Variants in CNTNAP2 observed in about 807,000 individuals in gnomAD.
The protein encoded by CNTNAP2 is contactin-associated protein-like 2.
CNTNAP2 carries 98 observed loss-of-function variants against 155.2 expected under a neutral mutation model. The ratio of observed to expected loss-of-function variants is 0.63; its 90% CI spans 0.54 to 0.75. The LOEUF (loss-of-function observed/expected upper bound fraction) is 0.75, where lower values mean the gene tolerates loss of function less well. CNTNAP2 is among the 30% of genes least tolerant of loss of function. The probability of loss-of-function intolerance (pLI) is 0.00; values close to 1 mark genes in which losing one functional copy is unlikely to be tolerated. For synonymous variants in CNTNAP2, 651 were observed against 631.2 expected, an observed-to-expected ratio of 1.03 and a Z score of -0.47; for missense variants, 1,727 against 1,688.1, an observed-to-expected ratio of 1.02 and a Z score of -0.40.
At chr7:146,983,095 A>G (rs1486614527) in intron 3 of CNTNAP2, among the ~76,000 whole-genome samples, 1 of 152,176 alleles carries the variant, frequency 6.6e-6, no homozygotes, top group Non-Finnish European at 1.5e-5. Context: ...GTAGACTGAT[A>G]AATTGTCCCA....
At chr7:146,173,327 A>T (rs1798421966) in intron 1 of CNTNAP2, among the ~76,000 whole-genome samples, 1 of 152,110 alleles carries the variant, frequency 6.6e-6, no homozygotes, top group Non-Finnish European at 1.5e-5. Flanking sequence ...TATTATATGT[A>T]TCTTGTTTTA....
intron 13 of CNTNAP2, among the ~76,000 whole-genome samples, chr7:147,721,280 G>A (rs767961186): frequency 6.6e-6 from 1 of 152,162 alleles, no homozygotes; most frequent in African/African-American, 2.4e-5. Context: ...GTTACAGTAT[G>A]TTTGTTTATT....
intron 13 of CNTNAP2, among the ~76,000 whole-genome samples, chr7:147,830,855 G>T (rs1347740991): frequency 6.6e-6 from 1 of 152,226 alleles, no homozygotes; most frequent in African/African-American, 2.4e-5. Context: ...CTGGTTATGA[G>T]TAAGCATGGT....
At chr7:147,153,134 T>G (rs1231340378) in intron 8 of CNTNAP2, among the ~76,000 whole-genome samples, 2 of 152,072 alleles carry the variant, frequency 1.3e-5, no homozygotes, top group African/African-American at 2.4e-5. Context: ...AGCAGAGACT[T>G]TTCATGGAGA....
intron 13 of CNTNAP2, among the ~76,000 whole-genome samples, chr7:147,794,278 T>A (rs1797859690): frequency 6.6e-6 from 1 of 152,004 alleles, no homozygotes; most frequent in African/African-American, 2.4e-5. Flanking sequence ...AGTATGATAT[T>A]AGCTGTGGTT....
chr7:148,064,399 T>A (rs1803214871), intron 15 of CNTNAP2, among the ~76,000 whole-genome samples: 1 of 152,110 alleles, frequency 6.6e-6, no homozygotes. Context: ...TATCTATGAT[T>A]TCTTTCAGTC....
intron 21 of CNTNAP2, among the ~76,000 whole-genome samples, chr7:148,380,413 G>A (rs993198474): frequency 1.3e-5 from 2 of 152,144 alleles, no homozygotes; most frequent in Non-Finnish European, 2.9e-5. Context: ...ATGAAGATTT[G>A]ACATCAGTTC....
chr7:147,604,664 T>G lies in CNTNAP2; in HGVS notation c.1898-34442T>G, dbSNP rs554255287. On this transcript the variant is annotated intron_variant, in intron 12 of 23. Transcript: ENST00000361727. ...AACTCTGTTGTTTTAGAAGGGGAGA[T>G]GCCACTCTAGCAGTACTATCAGAGG... Among the ~76,000 whole-genome samples, 17 of 152,300 alleles carry G rather than the reference T, an allele frequency of 1.1e-4. No individual in the cohort carries two copies. The South Asian group carries it at 3.3e-3, about 30-fold the overall frequency.
intron 13 of CNTNAP2, among the ~76,000 whole-genome samples, chr7:147,901,246 T>C (rs1016142687): frequency 1.3e-5 from 2 of 152,166 alleles, no homozygotes; most frequent in Non-Finnish European, 2.9e-5. Flanking sequence ...CCTGAATCCA[T>C]TTTGCAGAAA....
chr7:148,278,749 T>C (rs1040831346), intron 21 of CNTNAP2, among the ~76,000 whole-genome samples: 6 of 152,124 alleles, frequency 3.9e-5, no homozygotes, highest in Admixed American at 2.0e-4. Flanking sequence ...AGAAAAGAGT[T>C]GTGTAATATA....
intron 1 of CNTNAP2, among the ~76,000 whole-genome samples, chr7:146,722,525 T>C (rs903054416): frequency 2.0e-5 from 3 of 152,156 alleles, no homozygotes; most frequent in African/African-American, 7.2e-5. Context: ...ATTAATAGTT[T>C]AGGAATTTTC....
At chr7:146,850,470 C>A (rs1794857696) in intron 3 of CNTNAP2, among the ~76,000 whole-genome samples, 1 of 152,056 alleles carries the variant, frequency 6.6e-6, no homozygotes. Flanking sequence ...TAACAGCCAA[C>A]CAACACTTAT....
chr7:147,922,567 T>G (rs780401789), intron 14 of CNTNAP2, among the ~76,000 whole-genome samples: 2 of 152,202 alleles, frequency 1.3e-5, no homozygotes, highest in African/African-American at 2.4e-5. Context: ...TTTTTTCTAG[T>G]GATGGGTCAC....
intron 9 of CNTNAP2, among the ~76,000 whole-genome samples, chr7:147,388,203 G>A (rs919431954): frequency 2.6e-5 from 4 of 152,100 alleles, no homozygotes; most frequent in African/African-American, 9.7e-5. Context: ...AGGAGCAGAT[G>A]CCATTTCAGG....
chr7:146,662,294 C>T (rs1293764365), intron 1 of CNTNAP2, among the ~76,000 whole-genome samples: 1 of 152,114 alleles, frequency 6.6e-6, no homozygotes, highest in Non-Finnish European at 1.5e-5. Flanking sequence ...CCCGCCACCA[C>T]GCCTGGCTAG....
rs1045634045 is a variant in CNTNAP2 at position 147,507,499 on chromosome 7, C to G, written c.1777+21458C>G. ...TTCTATATTGGCAAATTGATGTTAA[C>G]TTATATAAATGGGACATCTATATTT... On this transcript the variant is annotated intron_variant, in intron 11 of 23. Transcript: ENST00000361727. 8.2e-5 allele frequency among the ~76,000 whole-genome samples: 12 copies of G among 147,084 alleles called. No homozygotes were observed. The South Asian group carries it at 2.7e-3, about 33-fold the overall frequency.
chr7:146,604,974 A>G (rs1378313675), intron 1 of CNTNAP2, among the ~76,000 whole-genome samples: 1 of 139,954 alleles, frequency 7.1e-6, no homozygotes, highest in Non-Finnish European at 1.6e-5. Context: ...ACCTAATGCT[A>G]GATGACGAGT....
chr7:147,241,479 T>C (rs1803936444), intron 8 of CNTNAP2, among the ~76,000 whole-genome samples: 1 of 151,706 alleles, frequency 6.6e-6, no homozygotes, highest in Non-Finnish European at 1.5e-5. Flanking sequence ...AATACAAAAA[T>C]TACCTGGGCG....
chr7:148,195,075 A>G (rs544215799), intron 18 of CNTNAP2, among the ~76,000 whole-genome samples: 5 of 152,158 alleles, frequency 3.3e-5, no homozygotes, highest in African/African-American at 7.2e-5. Context: ...AACTCCCCCT[A>G]CAATAATAGG....
Sources: allele counts gnomAD v4.1 joint callset (sites outside exome capture counted in the v4.1 genomes callset), GRCh38; gene constraint gnomAD v4.1.1; transcripts MANE v1.5; gene names NCBI Gene and HGNC (gene_info 2026-07-23, HGNC 2026-07-21).